The following TMEM183A variants were observed in gnomAD, a reference collection of about 807,000 sequenced individuals.
The protein encoded by TMEM183A is chromosome 1 open reading frame 37.
In TMEM183A, 21 loss-of-function variants were observed where a neutral mutation model predicts 46.7. The observed-to-expected ratio is 0.45, with a 90% CI of 0.32 to 0.65. The LOEUF is 0.65. Ranked by LOEUF, TMEM183A falls within the 30% of genes least tolerant of loss-of-function variation. TMEM183A has a pLI of 0.04. For missense variants in TMEM183A, 331 were observed against 481.9 expected (o/e 0.69, Z 2.93); for synonymous variants, 165 against 180.2 (o/e 0.92, Z 0.68).
intron 3 of TMEM183A, among the ~76,000 whole-genome samples, chr1:203,012,124 C>A (rs186740649): frequency 6.9e-6 from 1 of 145,830 alleles, no homozygotes; most frequent in African/African-American, 2.5e-5. Flanking sequence ...GCCATTTTTA[C>A]TTCAACCATT....
At chr1:203,022,821 T>A (rs562767227) in intron 7 of TMEM183A, 34 bp from the exon 8 acceptor site, 1 of 1,613,624 alleles carries the variant, frequency 6.2e-7, no homozygotes, top group East Asian at 2.2e-5. Context: ...CAAGGTTGTG[T>A]AAGTTGGATA....
intron 3 of TMEM183A, among the ~76,000 whole-genome samples, chr1:203,012,563 T>C (rs1181204100): frequency 6.6e-6 from 1 of 152,232 alleles, no homozygotes; most frequent in African/African-American, 2.4e-5. Context: ...CATTTACTGA[T>C]TCTATTTCCT....
rs374881169 is a variant in TMEM183A, at chr1:203,013,738, C to T, written c.368-1151C>T. Among the ~76,000 whole-genome samples the T allele has an allele frequency of 2.6e-4, 40 of 151,836 alleles. No individual in the cohort carries two copies. The highest frequency in any genetic ancestry group is 9.4e-4 in the African/African-American group (39 of 41,384). ...GTGTGTTAGCCAGGTTGCTCTCGAT[C>T]TCCTGACCTCGCGATTCGCCCACCT... On this transcript the variant is annotated intron_variant, in intron 3 of 7. Transcript: ENST00000367242. This position sits in a 1 kb window ranked among gnomAD's most constrained non-coding sequence, Gnocchi z 4.0.
At position 203,013,528 on chromosome 1, in the gene TMEM183A, T is replaced by C. The variant is rs551450528; in HGVS notation, c.368-1361T>C. On this transcript the variant is annotated intron_variant, in intron 3 of 7. Coordinates refer to ENST00000367242, the MANE Select transcript of TMEM183A (RefSeq NM_138391.6). The surrounding 1 kb of genome is among the most constrained non-coding windows in gnomAD (Gnocchi z 4.0). Reference sequence around the variant, plus strand: ...GAGATAGGGACACTTTTTTTTTTTTTTGAGATAGAGTTTCACTCTGTCGCC... The same window carrying C: ...GAGATAGGGACACTTTTTTTTTTTTCTGAGATAGAGTTTCACTCTGTCGCC... Among the ~76,000 whole-genome samples, 4 of 152,216 alleles carry C rather than the reference T, an allele frequency of 2.6e-5. No homozygotes were observed. The highest frequency in any genetic ancestry group is 9.6e-5 in the African/African-American group (4 of 41,554).
In TMEM183A at chr1:203,013,621, C is replaced by G. The variant is rs1656883172; in HGVS notation, c.368-1268C>G. On this transcript the variant is annotated intron_variant, in intron 3 of 7. Transcript: ENST00000367242. The surrounding 1 kb of genome is among the most constrained non-coding windows in gnomAD (Gnocchi z 4.0). Reference sequence around the variant, plus strand: ...CCGCCTCCTGGGTTCACGCCATTCTCCTGCCTCAGCCTCCCAAGTAGCTGG... The same window carrying G: ...CCGCCTCCTGGGTTCACGCCATTCTGCTGCCTCAGCCTCCCAAGTAGCTGG... 6.6e-6 allele frequency among the ~76,000 whole-genome samples: 1 copy of G among 152,094 alleles called. No individual in the cohort carries two copies. Among genetic ancestry groups the G allele is most frequent in the African/African-American group, 2.4e-5 (1 of 41,388 alleles).
intron 3 of TMEM183A, among the ~76,000 whole-genome samples, chr1:203,010,145 A>AAG (rs1363293744): frequency 4.0e-5 from 6 of 151,860 alleles, no homozygotes; most frequent in Non-Finnish European, 8.8e-5. Context: ...TCTCAAAAAA[A>AAG]AAAAGAAAAA....
intron 6 of TMEM183A, among the ~76,000 whole-genome samples, chr1:203,019,785 C>T (rs1426066650): frequency 1.3e-5 from 2 of 152,086 alleles, no homozygotes; most frequent in Non-Finnish European, 2.9e-5. Context: ...ATGCCAGAGG[C>T]ACATATATTG....
chr1:203,008,154 G>C (rs1411662426), intron 2 of TMEM183A, among the ~76,000 whole-genome samples: 1 of 152,190 alleles, frequency 6.6e-6, no homozygotes, highest in African/African-American at 2.4e-5. Flanking sequence ...TTACTCTGCA[G>C]TTTGCTTCCT....
At chr1:203,014,718 A>C (rs545037594) in intron 3 of TMEM183A, among the ~76,000 whole-genome samples, 171 bp from the exon 4 acceptor site, 1 of 152,218 alleles carries the variant, frequency 6.6e-6, no homozygotes, top group Non-Finnish European at 1.5e-5. Flanking sequence ...AACAGGAGGT[A>C]AAAGTTTCCA....
At chr1:203,015,851 C>T in intron 4 of TMEM183A, 109 bp from the exon 5 acceptor site, 2 of 1,382,266 alleles carry the variant, frequency 1.4e-6, no homozygotes, top group Non-Finnish European at 2.0e-6. Context: ...ATCTACTGGC[C>T]AGTGGAATAG....
rs148817359 is a variant in TMEM183A, at chr1:203,016,008, A to C, written c.576A>C (p.Ser192=). ...TGCCTTTGCGTCTGCGACCAGAGTC[A>C]ATGGAGAAGCTGCGCTGTCTCCGGG... ...ASLPLRLRPE[S]MEKLRCLRAC... The change falls in exon 5 of 8, where the codon TCA becomes TCC. Residue 192 remains serine, a synonymous_variant. Transcript: ENST00000367242. The C allele has an allele frequency of 2.0e-4, 317 of 1,614,022 alleles. No homozygotes were observed. Among genetic ancestry groups the C allele is most frequent in the Non-Finnish European group, 2.6e-4 (301 of 1,179,876 alleles).
Position 203,020,857 on chromosome 1 carries a change from A to C in TMEM183A, c.854A>C (p.His285Pro), listed in dbSNP as rs1371164850. Residue 285 changes from histidine to proline, a missense_variant, in exon 7 of 8, where the codon CAT (histidine) becomes CCT (proline). Transcript: ENST00000367242. ...LQPPVQYEDV[H>P]TNPDQDCCLL... is the part of the protein sequence containing the mutation. ...CCTCCCGTTCAGTACGAAGATGTTCATACCAATCCAGACCAGGACTGCTGC... is the reference window on the plus strand; with the variant it reads ...CCTCCCGTTCAGTACGAAGATGTTCCTACCAATCCAGACCAGGACTGCTGC... The C allele has an allele frequency of 6.2e-7, 1 of 1,614,054 alleles. No homozygotes were observed. Among genetic ancestry groups the C allele is most frequent in the Non-Finnish European group, 8.5e-7 (1 of 1,179,996 alleles).
Position 203,020,747 on chromosome 1 carries a change from A to G in TMEM183A, c.790-46A>G, listed in dbSNP as rs760152925. On this transcript the variant is annotated intron_variant, in intron 6 of 7. Coordinates refer to ENST00000367242, the MANE Select transcript of TMEM183A (RefSeq NM_138391.6). ...TTCTTTGGTGGACTCTTAGAGCCATATAATGTTTCTTCTAAGCCATTGGAT... is the reference window on the plus strand; with the variant it reads ...TTCTTTGGTGGACTCTTAGAGCCATGTAATGTTTCTTCTAAGCCATTGGAT... 4.3e-6 allele frequency: 7 copies of G among 1,612,332 alleles called. No individual in the cohort carries two copies. The African/African-American group carries it at 5.3e-5, about 12-fold the overall frequency.
chr1:203,015,888 G>C, intron 4 of TMEM183A, 72 bp from the exon 5 acceptor site: 1 of 1,554,238 alleles, frequency 6.4e-7, no homozygotes, highest in Non-Finnish European at 8.7e-7. Flanking sequence ...CAGAGACCAG[G>C]AGTCTTAGAA....
At chr1:203,014,094 C>G (rs1656934591) in intron 3 of TMEM183A, among the ~76,000 whole-genome samples, 1 of 152,118 alleles carries the variant, frequency 6.6e-6, no homozygotes, top group African/African-American at 2.4e-5. Context: ...TTTTTCCTGA[C>G]TGAAAATGTT....
At chr1:203,020,979 C>A in intron 7 of TMEM183A, 31 bp downstream of exon 7, 1 of 1,359,840 alleles carries the variant, frequency 7.4e-7, no homozygotes, top group Non-Finnish European at 9.6e-7. Context: ...TCATTCTCAG[C>A]TCCTTTTTTT....
intron 7 of TMEM183A, among the ~76,000 whole-genome samples, chr1:203,022,460 T>C (rs1657788247): frequency 6.6e-6 from 1 of 151,892 alleles, no homozygotes; most frequent in African/African-American, 2.4e-5. Context: ...CCCAGCACTT[T>C]GGGAGGCCGA....
intron 1 of TMEM183A, 92 bp downstream of exon 1, chr1:203,007,666 C>T: frequency 6.5e-7 from 1 of 1,542,158 alleles, no homozygotes; most frequent in Non-Finnish European, 8.8e-7. Context: ...CGCGTGCCCG[C>T]GGCTGGAGGG....
chr1:203,009,114 G>A (rs1357735628), intron 3 of TMEM183A, among the ~76,000 whole-genome samples: 1 of 152,146 alleles, frequency 6.6e-6, no homozygotes, highest in Non-Finnish European at 1.5e-5. Context: ...AACCCATAAG[G>A]CAATGTGAAA....
Sources: gnomAD v4.1 joint callset for allele counts (sites outside exome capture counted in the v4.1 genomes callset) on GRCh38, gnomAD v4.1.1 for gene constraint, Gnocchi (gnomAD v3.1) non-coding constraint, MANE v1.5 for transcripts, NCBI Gene and HGNC (gene_info 2026-07-23, HGNC 2026-07-21) for gene names.